Variants in ANKRD44 observed in about 807,000 individuals in gnomAD.
The protein encoded by ANKRD44 is ankyrin repeat domain 44, also known as serine/threonine-protein phosphatase 6 regulatory ankyrin repeat subunit B.
Under a neutral mutation model 116.0 loss-of-function variants are expected in ANKRD44, and 35 were observed. That is an observed-to-expected ratio of 0.30 (90% CI 0.23 to 0.40). ANKRD44 has a LOEUF of 0.40. Ranked by LOEUF, ANKRD44 falls within the 10% of genes least tolerant of loss-of-function variation. The probability of loss-of-function intolerance (pLI) is 1.00; values close to 1 mark genes in which losing one functional copy is unlikely to be tolerated. For missense variants in ANKRD44, 1,014 were observed against 1,242.6 expected (o/e 0.82, Z 2.77); for synonymous variants, 435 against 461.8 (o/e 0.94, Z 0.74).
intron 2 of ANKRD44, among the ~76,000 whole-genome samples, chr2:197,177,263 C>T (rs562001439): frequency 1.3e-5 from 2 of 152,140 alleles, no homozygotes; most frequent in Admixed American, 6.5e-5. Flanking sequence ...TGATTTTTAG[C>T]TTGAGCAAAA....
chr2:197,142,905 C>G (rs2125413525), intron 3 of ANKRD44, among the ~76,000 whole-genome samples: 1 of 150,596 alleles, frequency 6.6e-6, no homozygotes, highest in African/African-American at 2.4e-5. Context: ...TTCAAGAGGC[C>G]AAGATGGGAG....
intron 1 of ANKRD44, among the ~76,000 whole-genome samples, chr2:197,204,415 A>T (rs1278404619): frequency 6.6e-6 from 1 of 152,206 alleles, no homozygotes; most frequent in Non-Finnish European, 1.5e-5. Context: ...ATTTTCTTTA[A>T]AGATGGGACC....
At chr2:197,011,280 CTAAA>C (rs1408310590) in intron 18 of ANKRD44, among the ~76,000 whole-genome samples, 20 of 152,126 alleles carry the variant, frequency 1.3e-4, no homozygotes, top group African/African-American at 4.8e-4. Flanking sequence ...ACTTAATACT[CTAAA>C]TAGTCATAAT....
At chr2:197,109,803 T>C (rs1191629921) in intron 9 of ANKRD44, among the ~76,000 whole-genome samples, 2 of 152,084 alleles carry the variant, frequency 1.3e-5, no homozygotes, top group Non-Finnish European at 2.9e-5. Context: ...GATTTACTAA[T>C]AGAAGTGATG....
chr2:197,277,730 G>A (rs1458002258), intron 1 of ANKRD44, among the ~76,000 whole-genome samples: 1 of 152,120 alleles, frequency 6.6e-6, no homozygotes, highest in Non-Finnish European at 1.5e-5. Context: ...GAGGTCCCAA[G>A]GAGTTTCAAG....
chr2:197,132,311 T>C (rs1301595903), intron 4 of ANKRD44, among the ~76,000 whole-genome samples: 1 of 152,224 alleles, frequency 6.6e-6, no homozygotes, highest in Non-Finnish European at 1.5e-5. Flanking sequence ...CTTCAAGACT[T>C]ATCTCTAGAG....
chr2:197,195,100 C>T (rs2080915644), intron 1 of ANKRD44, among the ~76,000 whole-genome samples: 1 of 152,156 alleles, frequency 6.6e-6, no homozygotes, highest in African/African-American at 2.4e-5. Context: ...CTCAGCCTCC[C>T]AAGTAATTCA....
intron 16 of ANKRD44, among the ~76,000 whole-genome samples, chr2:197,068,361 TA>T (rs1333677941): frequency 5.4e-5 from 4 of 73,874 alleles, no homozygotes; most frequent in African/African-American, 9.1e-5. Flanking sequence ...TAGAGTATAA[TA>T]AAAAAAATAA....
intron 1 of ANKRD44, chr2:197,263,215 ACTGACAGGTGAGAAC>A (rs1327192062): frequency 4.0e-6 from 2 of 499,658 alleles, no homozygotes; most frequent in African/African-American, 2.0e-5. Context: ...GACCAGAGAC[ACTGACAGGTGAGAAC>A]CTCAGCAGCT....
At chr2:197,099,205 G>A (rs1023648151) in intron 10 of ANKRD44, among the ~76,000 whole-genome samples, 1 of 152,070 alleles carries the variant, frequency 6.6e-6, no homozygotes, top group South Asian at 2.1e-4. Flanking sequence ...TGCCACTTAA[G>A]TCTGTTTCAT....
At chr2:197,223,743 A>ACACT (rs1254527255) in intron 1 of ANKRD44, among the ~76,000 whole-genome samples, 1 of 152,218 alleles carries the variant, frequency 6.6e-6, no homozygotes, top group African/African-American at 2.4e-5. Context: ...ATAACAACTT[A>ACACT]CACTCCCAGG....
chr2:197,192,609 C>A (rs1301797995), intron 1 of ANKRD44, among the ~76,000 whole-genome samples: 1 of 152,172 alleles, frequency 6.6e-6, no homozygotes, highest in African/African-American at 2.4e-5. Context: ...TAGGTAACAA[C>A]TGTTTTTTGT....
intron 1 of ANKRD44, among the ~76,000 whole-genome samples, chr2:197,208,984 T>G (rs1319677313): frequency 6.6e-6 from 1 of 152,100 alleles, no homozygotes; most frequent in Non-Finnish European, 1.5e-5. Context: ...ATCTGGAAAA[T>G]AGGCATTTAG....
chr2:197,146,386 CATAAGT>C (rs1421016281), intron 3 of ANKRD44, among the ~76,000 whole-genome samples: 1 of 152,026 alleles, frequency 6.6e-6, no homozygotes, highest in Non-Finnish European at 1.5e-5. Flanking sequence ...GTCATGTATC[CATAAGT>C]ATAACAGTAT....
Position 196,989,523 on chromosome 2 carries a change from C to CAT in ANKRD44, c.*66_*67dup, listed in dbSNP as rs71410632. On this transcript the variant is annotated 3_prime_UTR_variant, in exon 28 of 28. Transcript: ENST00000282272. ...GGCTGATGAACTACACACACACACACATATATATATATATACACACGCACA... is the reference window on the plus strand; with the variant it reads ...GGCTGATGAACTACACACACACACACATATATATATATATATACACACGCACA... The CAT allele has an allele frequency of 1.6e-3, 2,158 of 1,311,060 alleles. 8 individuals are homozygous for CAT. Among genetic ancestry groups the CAT allele is most frequent in the Middle Eastern group, 5.4e-3 (25 of 4,670 alleles). 81.2% of individuals were successfully genotyped at this position (1,311,060 alleles called of 1,614,324 possible).
intron 21 of ANKRD44, among the ~76,000 whole-genome samples, chr2:196,975,615 T>A (rs1352306250): frequency 4.5e-5 from 1 of 22,184 alleles, no homozygotes. Flanking sequence ...GTCACACTGT[T>A]TTTTTTTTTT....
intron 16 of ANKRD44, among the ~76,000 whole-genome samples, chr2:197,054,303 G>A (rs1302682896): frequency 2.6e-5 from 4 of 151,952 alleles, no homozygotes; most frequent in Non-Finnish European, 5.9e-5. Flanking sequence ...TGAGAGAAAC[G>A]GTTTGTTTTG....
chr2:196,981,123 A>G (rs755463860), intron 21 of ANKRD44, among the ~76,000 whole-genome samples: 1 of 152,142 alleles, frequency 6.6e-6, no homozygotes, highest in African/African-American at 2.4e-5. Flanking sequence ...CCACATCAAG[A>G]TCACCAACTC....
intron 16 of ANKRD44, among the ~76,000 whole-genome samples, chr2:197,072,497 C>T (rs549735855): frequency 6.6e-6 from 1 of 152,248 alleles, no homozygotes; most frequent in Admixed American, 6.5e-5. Context: ...ATTTTCATTT[C>T]TTTTCTCACC....
Sources: gnomAD v4.1 joint callset for allele counts (sites outside exome capture counted in the v4.1 genomes callset) on GRCh38, gnomAD v4.1.1 for gene constraint, MANE v1.5 for transcripts, NCBI Gene and HGNC (gene_info 2026-07-23, HGNC 2026-07-21) for gene names.